Variants in SLX4IP observed in about 807,000 individuals in gnomAD.
SLX4IP encodes the protein SLX4 interacting protein.
SLX4IP carries 34 observed loss-of-function variants against 32.9 expected under a neutral mutation model. The observed-to-expected ratio is 1.03, with a 90% CI of 0.79 to 1.38. The LOEUF is 1.38. Ranked by LOEUF, SLX4IP falls within the 40% of genes most tolerant of loss-of-function variation. The pLI, the probability that SLX4IP is intolerant of heterozygous loss-of-function variation, is 0.00. For synonymous variants in SLX4IP, 172 were observed against 171.7 expected, an observed-to-expected ratio of 1.00 and a Z score of -0.01; for missense variants, 444 against 479.0, an observed-to-expected ratio of 0.93 and a Z score of 0.68.
At position 10,616,390 on chromosome 20, in the gene SLX4IP, TGAAATAAATAAATAAATAAA is replaced by T. The variant is rs1568774826; in HGVS notation, c.406-4923_406-4904del. The stretch of plus-strand genomic sequence containing the variant: ...AAATGTCAAGTCCCAAAAAAAAAAA[TGAAATAAATAAATAAATAAA>T]TAAATAAATAAATAAATAAATAAAA... On this transcript the variant is annotated intron_variant, in intron 6 of 7. Transcript: ENST00000334534. Among the ~76,000 whole-genome samples, 923 of 125,842 alleles carry T rather than the reference TGAAATAAATAAATAAATAAA, an allele frequency of 7.3e-3. 35 individuals are homozygous for T. The East Asian group carries it at 0.12, about 16-fold the overall frequency. The allele number at this position is 125,842 out of a possible 152,430, so 82.6% of individuals were successfully genotyped here. A position where few individuals can be genotyped will look rare whatever the true frequency, so the allele number is the denominator to read the frequency against.
intron 2 of SLX4IP, among the ~76,000 whole-genome samples, chr20:10,469,960 C>T (rs777566173): frequency 2.6e-5 from 4 of 152,180 alleles, no homozygotes; most frequent in Non-Finnish European, 5.9e-5. Flanking sequence ...GTCCCAACGA[C>T]GAAAACTATC....
At chr20:10,477,068 G>A (rs1223789858) in intron 2 of SLX4IP, among the ~76,000 whole-genome samples, 2 of 152,188 alleles carry the variant, frequency 1.3e-5, no homozygotes, top group Admixed American at 6.5e-5. Context: ...GGGCATTAAT[G>A]TGGGTTTTCC....
chr20:10,507,986 G>A lies in SLX4IP; in HGVS notation c.28-48245G>A, dbSNP rs528985043. On this transcript the variant is annotated intron_variant, in intron 2 of 7. Transcript: ENST00000334534. ...ATTTGATATATATATACACACATTT[G>A]TGTGTGTACGTAAACATTAAACTTC... is the stretch of plus-strand genomic sequence containing the variant. 1.8e-3 allele frequency among the ~76,000 whole-genome samples: 280 copies of A among 151,788 alleles called. 3 individuals are homozygous for A. Among genetic ancestry groups the A allele is most frequent in the African/African-American group, 6.6e-3 (273 of 41,360 alleles).
intron 2 of SLX4IP, among the ~76,000 whole-genome samples, chr20:10,470,422 A>G (rs1286145141): frequency 6.6e-6 from 1 of 152,188 alleles, no homozygotes; most frequent in Non-Finnish European, 1.5e-5. Context: ...TTGTGCTTTG[A>G]GATACTTCTC....
At chr20:10,555,995 C>G (rs1240790920) in intron 2 of SLX4IP, among the ~76,000 whole-genome samples, 1 of 152,206 alleles carries the variant, frequency 6.6e-6, no homozygotes, top group Non-Finnish European at 1.5e-5. Flanking sequence ...GATATTTTGT[C>G]TTTCCTGTCT....
At chr20:10,537,640 A>G (rs1331411066) in intron 2 of SLX4IP, among the ~76,000 whole-genome samples, 2 of 152,146 alleles carry the variant, frequency 1.3e-5, no homozygotes, top group African/African-American at 4.8e-5. Context: ...TGATTCATGT[A>G]ATTTTTCTAG....
intron 6 of SLX4IP, chr20:10,614,062 C>A: frequency 6.5e-7 from 1 of 1,535,740 alleles, no homozygotes; most frequent in East Asian, 2.3e-5. Context: ...GTGGCGTCCT[C>A]CTTGTCGCCC....
intron 2 of SLX4IP, among the ~76,000 whole-genome samples, chr20:10,512,568 ATATATATAGGTG>A (rs2065816070): frequency 6.8e-6 from 1 of 146,538 alleles, no homozygotes; most frequent in South Asian, 2.1e-4. Flanking sequence ...CTAATTTTAT[ATATATATAGGTG>A]TGTGTATATA....
At chr20:10,561,602 G>A (rs1432845191) in intron 4 of SLX4IP, among the ~76,000 whole-genome samples, 1 of 145,594 alleles carries the variant, frequency 6.9e-6, no homozygotes, top group Non-Finnish European at 1.5e-5. Flanking sequence ...TGAGATTTTG[G>A]TGCACCCATC....
At chr20:10,593,515 G>A (rs903100435) in intron 4 of SLX4IP, among the ~76,000 whole-genome samples, 6 of 152,068 alleles carry the variant, frequency 3.9e-5, no homozygotes, top group African/African-American at 1.4e-4. Flanking sequence ...CAGCAGGATC[G>A]CTTGAGCCCA....
chr20:10,578,315 A>G (rs1012260250), intron 4 of SLX4IP, among the ~76,000 whole-genome samples: 4 of 152,224 alleles, frequency 2.6e-5, no homozygotes, highest in African/African-American at 9.6e-5. Flanking sequence ...GACATTTCAT[A>G]CAAATAGAGT....
At position 10,625,199 on chromosome 20, in the gene SLX4IP, C is replaced by A. The variant is rs1401242686; in HGVS notation, c.*1820C>A. The A allele has an allele frequency of 6.6e-6, 1 of 152,240 alleles. No individual in the cohort carries two copies. Among genetic ancestry groups the A allele is most frequent in the Admixed American group, 6.5e-5 (1 of 15,286 alleles). 9.4% of individuals were successfully genotyped at this position (152,240 alleles called of 1,614,324 possible). ...CCCACTGTAGGCGCCTCTCTTAGAG[C>A]AAACAGTATTTTAGGTGTGCTCTTT... On this transcript the variant is annotated 3_prime_UTR_variant, in exon 8 of 8. Coordinates refer to ENST00000334534, the MANE Select transcript of SLX4IP (RefSeq NM_001009608.3).
intron 2 of SLX4IP, among the ~76,000 whole-genome samples, chr20:10,501,150 T>G (rs912314272): frequency 6.6e-6 from 1 of 152,180 alleles, no homozygotes; most frequent in Non-Finnish European, 1.5e-5. Context: ...GTACTTACAA[T>G]GATGATGGCA....
At chr20:10,568,822 A>C (rs1259894569) in intron 4 of SLX4IP, among the ~76,000 whole-genome samples, 1 of 152,214 alleles carries the variant, frequency 6.6e-6, no homozygotes, top group Non-Finnish European at 1.5e-5. Flanking sequence ...TGGGAAGACA[A>C]CTGCAGATTT....
intron 2 of SLX4IP, among the ~76,000 whole-genome samples, chr20:10,483,649 A>T (rs1370185939): frequency 2.0e-5 from 3 of 152,174 alleles, no homozygotes; most frequent in African/African-American, 4.8e-5. Context: ...GACTATAAAA[A>T]AACTAGTAGC....
chr20:10,451,774 T>G (rs1417018890), intron 1 of SLX4IP, among the ~76,000 whole-genome samples: 8 of 151,142 alleles, frequency 5.3e-5, no homozygotes, highest in African/African-American at 1.7e-4. Context: ...CGAGAACAGC[T>G]TGGCCAATAT....
intron 5 of SLX4IP, among the ~76,000 whole-genome samples, chr20:10,599,310 A>T (rs1177664289): frequency 6.6e-6 from 1 of 152,244 alleles, no homozygotes. Context: ...TTCAGTATAT[A>T]TATAAGATAT....
At chr20:10,523,903 C>T (rs1289521180) in intron 2 of SLX4IP, among the ~76,000 whole-genome samples, 4 of 152,164 alleles carry the variant, frequency 2.6e-5, no homozygotes, top group Non-Finnish European at 1.5e-5. Context: ...GGATGTGAGA[C>T]AGTAGGTGAA....
In SLX4IP at chr20:10,627,517, A is replaced by G. The variant is rs907183449; in HGVS notation, c.*4138A>G. ...AAATTCTCAGAAATCTGCAGGACTCACTCTAATTTGCTTTCTATATTTATT... is the reference window on the plus strand; with the variant it reads ...AAATTCTCAGAAATCTGCAGGACTCGCTCTAATTTGCTTTCTATATTTATT... On this transcript the variant is annotated 3_prime_UTR_variant, in exon 8 of 8. Transcript: ENST00000334534. The G allele has an allele frequency of 6.6e-6, 1 of 152,186 alleles. No homozygotes were observed. Among genetic ancestry groups the G allele is most frequent in the East Asian group, 1.9e-4 (1 of 5,200 alleles). The allele number at this position is 152,186 out of a possible 1,614,324, so 9.4% of individuals were successfully genotyped here.
Sources: gnomAD v4.1 joint callset for allele counts (sites outside exome capture counted in the v4.1 genomes callset) on GRCh38, gnomAD v4.1.1 for gene constraint, MANE v1.5 for transcripts, NCBI Gene and HGNC (gene_info 2026-07-23, HGNC 2026-07-21) for gene names.